The following ZMYM5 variants were observed in gnomAD, a reference collection of about 807,000 sequenced individuals.
ZMYM5 encodes zinc finger MYM-type containing 5.
ZMYM5 carries 41 observed loss-of-function variants against 61.8 expected under a neutral mutation model. The observed-to-expected ratio is 0.66, with a 90% CI of 0.52 to 0.86. The LOEUF (loss-of-function observed/expected upper bound fraction) is 0.86, where lower values mean the gene tolerates loss of function less well. Among genes scored for constraint, ZMYM5 ranks in the 40% least tolerant of loss-of-function variants. The probability of loss-of-function intolerance (pLI) is 0.00; values close to 1 mark genes in which losing one functional copy is unlikely to be tolerated. For missense variants in ZMYM5, 706 were observed against 786.7 expected, an observed-to-expected ratio of 0.90 and a Z score of 1.23; for synonymous variants, 257 against 276.4, an observed-to-expected ratio of 0.93 and a Z score of 0.70.
chr13:19,840,649 T>C (rs1371657225), intron 4 of ZMYM5, among the ~76,000 whole-genome samples: 4 of 150,856 alleles, frequency 2.7e-5, no homozygotes, highest in Admixed American at 6.6e-5. Context: ...GCTAAAATTA[T>C]AGGCATGAAC....
At chr13:19,836,317 G>A (rs981358318) in intron 6 of ZMYM5, among the ~76,000 whole-genome samples, 3 of 150,138 alleles carry the variant, frequency 2.0e-5, no homozygotes, top group African/African-American at 7.4e-5. Flanking sequence ...CCCTGGGCTC[G>A]AATTCCTGGT....
intron 4 of ZMYM5, among the ~76,000 whole-genome samples, chr13:19,849,614 A>AT (rs1953208637): frequency 6.6e-6 from 1 of 152,140 alleles, no homozygotes; most frequent in Admixed American, 6.6e-5. Context: ...GATTTCTATG[A>AT]TTTTTTTCTA....
At chr13:19,853,480 G>C (rs950981268) in intron 2 of ZMYM5, among the ~76,000 whole-genome samples, 1 of 151,772 alleles carries the variant, frequency 6.6e-6, no homozygotes, top group African/African-American at 2.4e-5. Context: ...TTTAGTAGAT[G>C]TGAGGTCTCA....
chr13:19,861,786 T>G (rs1419112953), intron 2 of ZMYM5, among the ~76,000 whole-genome samples: 1 of 151,650 alleles, frequency 6.6e-6, no homozygotes, highest in African/African-American at 2.4e-5. Context: ...ATTAAGTGAA[T>G]AGCTGACAGA....
At chr13:19,826,257 CAGG>C (rs1203901353) in intron 7 of ZMYM5, among the ~76,000 whole-genome samples, 2 of 151,752 alleles carry the variant, frequency 1.3e-5, no homozygotes, top group African/African-American at 4.8e-5. Flanking sequence ...GAGGCTGAGG[CAGG>C]AGAATTGCTT....
chr13:19,835,617 A>G lies in ZMYM5; in HGVS notation c.1111T>C (p.Leu371=), dbSNP rs912596520. ...CSNHCFNKYR[L]ANGLIMNCCE... The stretch of plus-strand genomic sequence containing the variant: ...CAGTTCATTATTAGACCATTGGCCA[A>G]TCTGTACTTATTAAAGCAATGGTTA... The change falls in exon 7 of 8, where the codon TTG becomes CTG. Residue 371 remains leucine (L), a synonymous_variant. Coordinates refer to ENST00000337963, the MANE Select transcript of ZMYM5 (RefSeq NM_001142684.2). 1 of 1,367,662 alleles carries G rather than the reference A, an allele frequency of 7.3e-7. No homozygotes were observed. Among genetic ancestry groups the G allele is most frequent in the African/African-American group, 1.5e-5 (1 of 67,864 alleles). 84.7% of individuals were successfully genotyped at this position (1,367,662 alleles called of 1,614,324 possible). A position where few individuals can be genotyped will look rare whatever the true frequency, so the allele number is the denominator to read the frequency against.
chr13:19,824,839 A>G lies in ZMYM5; in HGVS notation c.1648T>C (p.Phe550Leu). The change falls in exon 8 of 8, where the codon TTT becomes CTT. Residue 550 changes from phenylalanine to leucine, a missense_variant. By Grantham distance (22) the Phe-to-Leu change is conservative. Around this residue, in one of 2 missense-constraint regions of ZMYM5, gnomAD observed 226 missense variants for 325.0 expected, o/e 0.70. Coordinates refer to ENST00000337963, the MANE Select transcript of ZMYM5 (RefSeq NM_001142684.2). ...TTCCTCCCTGTATTATCTTTTGGAA[A>G]GTTAAAATTTCTTACTTGAGGCGGA... ...NVPPQVRNFNFPKDNTGRKFS... is the reference protein window; with the variant it reads ...NVPPQVRNFNLPKDNTGRKFS... The G allele has an allele frequency of 1.5e-6, 2 of 1,352,244 alleles. No individual in the cohort carries two copies. The highest frequency in any genetic ancestry group is 2.1e-4 in the Middle Eastern group (1 of 4,750). The allele number at this position is 1,352,244 out of a possible 1,614,324, so 83.8% of individuals were successfully genotyped here. A position where few individuals can be genotyped will look rare whatever the true frequency, so the allele number is the denominator to read the frequency against.
intron 7 of ZMYM5, among the ~76,000 whole-genome samples, chr13:19,830,825 A>G (rs1311554634): frequency 7.2e-6 from 1 of 139,554 alleles, no homozygotes; most frequent in Non-Finnish European, 1.5e-5. Flanking sequence ...CCAACTGTTT[A>G]TGAGTTACTT....
chr13:19,856,973 G>A (rs1287859786), intron 2 of ZMYM5, among the ~76,000 whole-genome samples: 1 of 151,976 alleles, frequency 6.6e-6, no homozygotes, highest in East Asian at 1.9e-4. Context: ...GGGTGTGGTG[G>A]TGGGCGCCTG....
intron 2 of ZMYM5, among the ~76,000 whole-genome samples, chr13:19,860,430 T>TTGTGTGTGTG (rs760244753): frequency 3.1e-4 from 41 of 133,596 alleles, no homozygotes; most frequent in Admixed American, 9.3e-4. Flanking sequence ...CCGGCTAATT[T>TTGTGTGTGTG]TGTGTGTGTG....
At chr13:19,834,350 G>C (rs752858846) in intron 7 of ZMYM5, among the ~76,000 whole-genome samples, 2 of 151,524 alleles carry the variant, frequency 1.3e-5, no homozygotes, top group Non-Finnish European at 2.9e-5. Flanking sequence ...TAAAATACAT[G>C]TATCCAGAAT....
intron 7 of ZMYM5, among the ~76,000 whole-genome samples, chr13:19,827,828 G>A (rs1232912280): frequency 1.3e-5 from 2 of 150,996 alleles, no homozygotes; most frequent in Non-Finnish European, 1.5e-5. Context: ...TCAGGAGATC[G>A]AGACCATGGT....
intron 4 of ZMYM5, among the ~76,000 whole-genome samples, chr13:19,841,622 A>G (rs1335413983): frequency 2.0e-5 from 3 of 152,178 alleles, no homozygotes; most frequent in African/African-American, 7.2e-5. Context: ...TCATGGTCAG[A>G]AATGTTTATA....
intron 4 of ZMYM5, among the ~76,000 whole-genome samples, chr13:19,850,995 G>C (rs1228504820): frequency 1.3e-5 from 2 of 152,170 alleles, no homozygotes; most frequent in East Asian, 3.8e-4. Flanking sequence ...GATCACTTGA[G>C]GTTAGGAGTT....
intron 2 of ZMYM5, among the ~76,000 whole-genome samples, chr13:19,859,460 T>A (rs1593925740): frequency 1.3e-5 from 2 of 152,094 alleles, no homozygotes; most frequent in African/African-American, 4.8e-5. Flanking sequence ...TGGAGTGCAG[T>A]GGCGCGATCT....
chr13:19,823,758 G>C lies in ZMYM5; in HGVS notation c.*719C>G, dbSNP rs1890776004. ...TTACTTTAATAATAATGTTGAGAAT[G>C]CTTGTTCACATAAGTATCTTATTCA... is the stretch of plus-strand genomic sequence containing the variant. On this transcript the variant is annotated 3_prime_UTR_variant, in exon 8 of 8. Coordinates refer to ENST00000337963, the MANE Select transcript of ZMYM5 (RefSeq NM_001142684.2). The C allele has an allele frequency of 6.6e-6, 1 of 152,138 alleles. No homozygotes were observed. Among genetic ancestry groups the C allele is most frequent in the African/African-American group, 2.4e-5 (1 of 41,428 alleles). The allele number at this position is 152,138 out of a possible 1,614,324, so 9.4% of individuals were successfully genotyped here.
chr13:19,847,803 ATTTTTTTTTTTT>A (rs34176871), intron 4 of ZMYM5, among the ~76,000 whole-genome samples: 2 of 79,894 alleles, frequency 2.5e-5, no homozygotes, highest in South Asian at 1.1e-3. Flanking sequence ...TGCCCGGCTA[ATTTTTTTTTTTT>A]TTTTTTTTTT....
intron 2 of ZMYM5, among the ~76,000 whole-genome samples, chr13:19,860,448 ATGTGTG>A (rs1205444485): frequency 1.4e-5 from 2 of 141,444 alleles, no homozygotes; most frequent in Non-Finnish European, 3.0e-5. Context: ...GTGTGTGTGT[ATGTGTG>A]TGTGTGTGTG....
chr13:19,835,385 A>T, intron 7 of ZMYM5, 92 bp downstream of exon 7: 1 of 883,882 alleles, frequency 1.1e-6, no homozygotes, highest in Non-Finnish European at 1.6e-6. Context: ...AAATGGAATT[A>T]AATGAGATTC....
Sources: allele counts gnomAD v4.1 joint callset (sites outside exome capture counted in the v4.1 genomes callset), GRCh38; gene constraint gnomAD v4.1.1; regional missense constraint gnomAD v4.1.1; transcripts MANE v1.5; gene names NCBI Gene and HGNC (gene_info 2026-07-23, HGNC 2026-07-21).